The following ARAP2 variants were observed in gnomAD, a reference collection of about 807,000 sequenced individuals.
The protein encoded by ARAP2 is arf-GAP with Rho-GAP domain, ANK repeat and PH domain-containing protein 2.
In ARAP2, 148 loss-of-function variants were observed where a neutral mutation model predicts 194.5. The ratio of observed to expected loss-of-function variants is 0.76; its 90% CI spans 0.67 to 0.87. ARAP2 has a LOEUF of 0.87. ARAP2 is among the 40% of genes least tolerant of loss of function. The pLI is 0.00. For synonymous variants in ARAP2, 695 were observed against 683.5 expected, an observed-to-expected ratio of 1.02 and a Z score of -0.26; for missense variants, 2,128 against 1,989.7, an observed-to-expected ratio of 1.07 and a Z score of -1.32.
intron 2 of ARAP2, among the ~76,000 whole-genome samples, chr4:36,219,269 C>T (rs1179760426): frequency 6.6e-6 from 1 of 152,120 alleles, no homozygotes; most frequent in African/African-American, 2.4e-5. Flanking sequence ...GAATAACCAC[C>T]CAAATATATG....
At chr4:36,223,978 C>A (rs558162432) in intron 2 of ARAP2, among the ~76,000 whole-genome samples, 1 of 151,424 alleles carries the variant, frequency 6.6e-6, no homozygotes. Flanking sequence ...GTTTAAAGAA[C>A]CTTAATATAA....
chr4:36,216,604 A>G (rs1255217296), intron 2 of ARAP2, among the ~76,000 whole-genome samples: 1 of 152,232 alleles, frequency 6.6e-6, no homozygotes, highest in Non-Finnish European at 1.5e-5. Context: ...AAAGACCTGT[A>G]TACAAATGGT....
At chr4:36,207,167 T>C (rs1434358085) in intron 6 of ARAP2, among the ~76,000 whole-genome samples, 4 of 152,242 alleles carry the variant, frequency 2.6e-5, no homozygotes, top group Non-Finnish European at 5.9e-5. Context: ...AATGCTGGAA[T>C]AAATTATATC....
intron 2 of ARAP2, among the ~76,000 whole-genome samples, chr4:36,215,161 C>A (rs1053713946): frequency 6.6e-6 from 1 of 152,146 alleles, no homozygotes; most frequent in Non-Finnish European, 1.5e-5. Flanking sequence ...ACAAAACTGG[C>A]AGATTTATAC....
rs766748989 is a variant in ARAP2, at chr4:36,193,666, T to G, written c.1488-19A>C. The G allele has an allele frequency of 2.0e-5, 32 of 1,581,012 alleles. No homozygotes were observed. In the Admixed American group the frequency reaches 5.5e-4, roughly 27 times the overall value. ...GCGTTTTCTGCAAAACATATGAAAT[T>G]GTTATTTTACATTCAAGTAACATGA... On this transcript the variant is annotated intron_variant, in intron 6 of 32. Coordinates refer to ENST00000303965, the MANE Select transcript of ARAP2 (RefSeq NM_015230.4).
intron 26 of ARAP2, among the ~76,000 whole-genome samples, chr4:36,109,962 A>C (rs1242166821): frequency 6.7e-6 from 1 of 149,182 alleles, no homozygotes; most frequent in Non-Finnish European, 1.5e-5. Context: ...CATTATATAT[A>C]CTGGATGCTT....
At chr4:36,160,722 A>G in intron 12 of ARAP2, 81 bp from the exon 13 acceptor site, 4 of 1,133,562 alleles carry the variant, frequency 3.5e-6, no homozygotes, top group Non-Finnish European at 3.5e-6. Context: ...ATTATATTAC[A>G]AATTAAAGCA....
rs1357548788 is a variant in ARAP2 at position 36,180,024 on chromosome 4, GCA to G, written c.1679-2021_1679-2020del. 2.0e-5 allele frequency among the ~76,000 whole-genome samples: 3 copies of G among 152,208 alleles called. No homozygotes were observed. The East Asian group carries it at 5.8e-4, about 29-fold the overall frequency. On this transcript the variant is annotated intron_variant, in intron 8 of 32. Coordinates refer to ENST00000303965, the MANE Select transcript of ARAP2 (RefSeq NM_015230.4). ...GTGGTGTCCCACACCCGTAATCCCA[GCA>G]CTCTGGGAGGCCAAGAGGGGAGGAA...
At chr4:36,195,074 A>T (rs527317305) in intron 6 of ARAP2, among the ~76,000 whole-genome samples, 1 of 151,950 alleles carries the variant, frequency 6.6e-6, no homozygotes, top group East Asian at 1.9e-4. Flanking sequence ...GCTCAGGTTG[A>T]AAGGATCATT....
intron 6 of ARAP2, among the ~76,000 whole-genome samples, chr4:36,203,874 C>G (rs1744970387): frequency 6.6e-6 from 1 of 151,550 alleles, no homozygotes; most frequent in Non-Finnish European, 1.5e-5. Context: ...ACCACTCCTC[C>G]AAAAAGTTAA....
chr4:36,007,011 G>C (rs950364441), exon 10 of ARAP2: 1 of 152,050 alleles, frequency 6.6e-6, no homozygotes, highest in African/African-American at 2.4e-5. Flanking sequence ...TCAGGCCATT[G>C]CACCTCAGCC....
At chr4:36,216,147 T>C (rs1022446993) in intron 2 of ARAP2, among the ~76,000 whole-genome samples, 2 of 151,348 alleles carry the variant, frequency 1.3e-5, no homozygotes, top group Admixed American at 6.6e-5. Context: ...TCCCAGATAT[T>C]TGGGAGGCTG....
intron 32 of ARAP2, among the ~76,000 whole-genome samples, chr4:36,070,807 A>G (rs188676177): frequency 1.7e-3 from 265 of 152,336 alleles, no homozygotes; most frequent in African/African-American, 6.1e-3. Flanking sequence ...TTTAATCATC[A>G]CAACACTTTA....
At chr4:36,032,917 A>G (rs982659827) in intron 5 of ARAP2, among the ~76,000 whole-genome samples, 2 of 152,206 alleles carry the variant, frequency 1.3e-5, no homozygotes, top group African/African-American at 4.8e-5. Context: ...ATACTTGAGA[A>G]CATGCAATAT....
At chr4:36,131,331 TTATATG>T (rs1725394235) in intron 20 of ARAP2, among the ~76,000 whole-genome samples, 1 of 150,570 alleles carries the variant, frequency 6.6e-6, no homozygotes, top group Non-Finnish European at 1.5e-5. Context: ...ACAAACACAA[TTATATG>T]TATAACTATA....
At chr4:36,050,634 C>CT (rs1170790428) in intron 3 of ARAP2, among the ~76,000 whole-genome samples, 3 of 152,054 alleles carry the variant, frequency 2.0e-5, no homozygotes, top group Non-Finnish European at 4.4e-5. Context: ...CTCCCTTGTA[C>CT]TTTTTTTCTA....
intron 5 of ARAP2, among the ~76,000 whole-genome samples, chr4:36,034,325 G>T (rs1039322380): frequency 2.0e-5 from 3 of 151,918 alleles, no homozygotes; most frequent in African/African-American, 7.3e-5. Flanking sequence ...CCTTTAAGCA[G>T]GGTTTTGGAA....
rs185862314 is a variant in ARAP2, at chr4:36,096,033, T to A, written c.4286-4013A>T. On this transcript the variant is annotated intron_variant, in intron 27 of 32. Coordinates refer to ENST00000303965, the MANE Select transcript of ARAP2 (RefSeq NM_015230.4). ...TGATAGAACTTTAAATATCCATGCA[T>A]CATTTCTAAAATTTATAAAATAAAA... 8.5e-4 allele frequency among the ~76,000 whole-genome samples: 129 copies of A among 152,144 alleles called. 1 individual carries two copies. The highest frequency in any genetic ancestry group is 1.4e-3 in the Non-Finnish European group (93 of 67,988).
intron 27 of ARAP2, among the ~76,000 whole-genome samples, chr4:36,102,955 A>T (rs1717403508): frequency 6.6e-6 from 1 of 151,918 alleles, no homozygotes; most frequent in Non-Finnish European, 1.5e-5. Context: ...TTCCAATTTA[A>T]GTGGCCTAGG....
Sources: allele counts gnomAD v4.1 joint callset (sites outside exome capture counted in the v4.1 genomes callset), GRCh38; gene constraint gnomAD v4.1.1; transcripts MANE v1.5; gene names NCBI Gene and HGNC (gene_info 2026-07-23, HGNC 2026-07-21).